The following PLD5 variants were observed in gnomAD, a reference collection of about 807,000 sequenced individuals.
PLD5 encodes the protein inactive phospholipase D5.
PLD5 carries 36 observed loss-of-function variants against 61.1 expected under a neutral mutation model. The ratio of observed to expected loss-of-function variants is 0.59; its 90% CI spans 0.45 to 0.78. The LOEUF (loss-of-function observed/expected upper bound fraction) is 0.78. PLD5 is among the 30% of genes least tolerant of loss of function. The pLI is 0.00. For missense variants in PLD5, 515 were observed against 644.4 expected (o/e 0.80, Z 2.17); for synonymous variants, 243 against 242.8 (o/e 1.00, Z -0.01).
intron 5 of PLD5, among the ~76,000 whole-genome samples, chr1:242,212,631 A>G (rs1022841185): frequency 4.6e-5 from 7 of 151,758 alleles, no homozygotes; most frequent in Admixed American, 6.5e-5. Flanking sequence ...AGGAAGGAGC[A>G]GTACAGAAAG....
intron 1 of PLD5, among the ~76,000 whole-genome samples, chr1:242,500,502 T>C (rs1668519242): frequency 6.6e-6 from 1 of 152,070 alleles, no homozygotes; most frequent in Non-Finnish European, 1.5e-5. Flanking sequence ...CCTGAAACAA[T>C]GGGAGTGCAA....
intron 5 of PLD5, among the ~76,000 whole-genome samples, chr1:242,139,121 T>C (rs1663966543): frequency 6.6e-6 from 1 of 152,330 alleles, no homozygotes; most frequent in African/African-American, 2.4e-5. Context: ...CAGGTTTTCA[T>C]GCTTATTATG....
At chr1:242,315,434 A>C (rs10737878) in intron 2 of PLD5, among the ~76,000 whole-genome samples, 101,592 of 152,090 alleles carry the variant, frequency 0.67, 35,723 homozygotes, top group Non-Finnish European at 0.77. Context: ...TGATTTAAAA[A>C]TTATGCTAGA....
rs896246695 is a variant in PLD5, at chr1:242,224,457, C to T, written c.608-4342G>A. 2.0e-5 allele frequency among the ~76,000 whole-genome samples: 3 copies of T among 151,766 alleles called. No individual in the cohort carries two copies. In the East Asian group the frequency reaches 5.8e-4, roughly 29 times the overall value. On this transcript the variant is annotated intron_variant, in intron 4 of 9. Coordinates refer to ENST00000536534, the MANE Select transcript of PLD5 (RefSeq NM_001372062.1). Reference sequence around the variant, plus strand: ...TTTTTCTATAGTTATTTTTATGACCCAGAAAACAGGGATCCTATATATTAA... The same window carrying T: ...TTTTTCTATAGTTATTTTTATGACCTAGAAAACAGGGATCCTATATATTAA...
At chr1:242,214,827 C>T (rs895169480) in intron 5 of PLD5, among the ~76,000 whole-genome samples, 1 of 150,576 alleles carries the variant, frequency 6.6e-6, no homozygotes, top group African/African-American at 2.4e-5. Flanking sequence ...CTAATTAGTG[C>T]ACATGCTCTT....
intron 1 of PLD5, among the ~76,000 whole-genome samples, chr1:242,485,266 A>T (rs1045923082): frequency 1.3e-5 from 2 of 152,178 alleles, no homozygotes; most frequent in Non-Finnish European, 2.9e-5. Flanking sequence ...AGGAAGTCAA[A>T]TTGTCCCTGT....
chr1:242,478,791 A>G (rs1667677821), intron 1 of PLD5, among the ~76,000 whole-genome samples: 1 of 152,214 alleles, frequency 6.6e-6, no homozygotes, highest in African/African-American at 2.4e-5. Context: ...GAGAATTACT[A>G]TTCCAAAAGT....
At chr1:242,162,380 A>G (rs1665908820) in intron 5 of PLD5, among the ~76,000 whole-genome samples, 1 of 152,178 alleles carries the variant, frequency 6.6e-6, no homozygotes, top group South Asian at 2.1e-4. Context: ...CTAATTTATC[A>G]GTTGAAAAGC....
At chr1:242,363,318 G>C (rs1661171795) in intron 1 of PLD5, among the ~76,000 whole-genome samples, 1 of 151,324 alleles carries the variant, frequency 6.6e-6, no homozygotes. Context: ...ATTAGCCCTA[G>C]ACTCATGGCT....
chr1:242,399,220 T>A (rs1281159874), intron 1 of PLD5, among the ~76,000 whole-genome samples: 1 of 152,230 alleles, frequency 6.6e-6, no homozygotes, highest in Non-Finnish European at 1.5e-5. Context: ...AGGGGCTCAA[T>A]ACACATTGGT....
chr1:242,179,868 A>G (rs148031418), intron 5 of PLD5, among the ~76,000 whole-genome samples: 3,787 of 152,152 alleles, frequency 0.025, 178 homozygotes, highest in African/African-American at 0.087. Context: ...TTGCCACTGC[A>G]CTCCAGCCTA....
chr1:242,508,387 T>C (rs578173577), intron 1 of PLD5, among the ~76,000 whole-genome samples: 1 of 150,746 alleles, frequency 6.6e-6, no homozygotes, highest in Non-Finnish European at 1.5e-5. Flanking sequence ...AAAAAAAAAA[T>C]TTTGTTAGGT....
Position 242,265,988 on chromosome 1 carries a change from TGATTTACCTG to T in PLD5, c.496-550_496-541del, listed in dbSNP as rs1673646978. On this transcript the variant is annotated intron_variant, in intron 3 of 9. Coordinates refer to ENST00000536534, the MANE Select transcript of PLD5 (RefSeq NM_001372062.1). Reference sequence around the variant, plus strand: ...GAGGGAAATTATGGTTACTAATCAGTGATTTACCTGAATTCATGTTGTTTAAATGTATTTT... The same window carrying T: ...GAGGGAAATTATGGTTACTAATCAGTAATTCATGTTGTTTAAATGTATTTT... Among the ~76,000 whole-genome samples the T allele has an allele frequency of 2.6e-5, 4 of 152,380 alleles. No individual in the cohort carries two copies. The South Asian group carries it at 8.3e-4, about 32-fold the overall frequency.
At chr1:242,459,286 A>T (rs1667038767) in intron 1 of PLD5, among the ~76,000 whole-genome samples, 1 of 152,222 alleles carries the variant, frequency 6.6e-6, no homozygotes, top group Non-Finnish European at 1.5e-5. Context: ...GTTTAGACAT[A>T]AGCAAGCTAA....
intron 1 of PLD5, among the ~76,000 whole-genome samples, chr1:242,353,693 C>T (rs1252268273): frequency 1.3e-5 from 2 of 151,866 alleles, no homozygotes; most frequent in African/African-American, 4.8e-5. Flanking sequence ...AGTTGAGTTC[C>T]TTAGGTATTT....
In PLD5 at chr1:242,259,307, C is replaced by CTCT. The variant is rs1553337783; in HGVS notation, c.607+6029_607+6030insAGA. On this transcript the variant is annotated intron_variant, in intron 4 of 9. Transcript: ENST00000536534. The stretch of plus-strand genomic sequence containing the variant: ...CTGGGTGATGGAGCAAGACATCACC[C>CTCT]CTCTCTCTCTCTCTCTCTCAAAAAA... Among the ~76,000 whole-genome samples, 131 of 145,836 alleles carry CTCT rather than the reference C, an allele frequency of 9.0e-4. 1 individual carries two copies. Among genetic ancestry groups the CTCT allele is most frequent in the African/African-American group, 1.4e-3 (56 of 39,522 alleles).
chr1:242,413,981 T>C (rs191875235), intron 1 of PLD5, among the ~76,000 whole-genome samples: 4 of 152,286 alleles, frequency 2.6e-5, no homozygotes, highest in Admixed American at 6.5e-5. Flanking sequence ...GTCAGCTTAC[T>C]ATTTTAAAAA....
chr1:242,160,653 G>A (rs1665747766), intron 5 of PLD5, among the ~76,000 whole-genome samples: 1 of 152,114 alleles, frequency 6.6e-6, no homozygotes. Flanking sequence ...TTGGGAGCCT[G>A]AGGCAGGTGG....
intron 2 of PLD5, among the ~76,000 whole-genome samples, chr1:242,288,778 G>A (rs1270325162): frequency 1.3e-5 from 2 of 152,174 alleles, no homozygotes; most frequent in African/African-American, 4.8e-5. Context: ...AAATAACAGA[G>A]TATGTCTCTA....
Sources: gnomAD v4.1 joint callset for allele counts (sites outside exome capture counted in the v4.1 genomes callset) on GRCh38, gnomAD v4.1.1 for gene constraint, MANE v1.5 for transcripts, NCBI Gene and HGNC (gene_info 2026-07-23, HGNC 2026-07-21) for gene names.